Variants in AFG2A observed in about 807,000 individuals in gnomAD.
AFG2A encodes ATPase family gene 2 protein homolog A.
At chr4:122,949,807 G>A in the AFG2A span, among the ~76,000 whole-genome samples, 1 of 152,330 alleles carries the variant, frequency 6.6e-6, no homozygotes, top group South Asian at 2.1e-4. Flanking sequence ...TCATCCCCTT[G>A]CACAAGGGAG....
the AFG2A span, chr4:122,979,327 C>T: frequency 8.1e-6 from 13 of 1,614,026 alleles, no homozygotes; most frequent in Non-Finnish European, 1.1e-5. Context: ...GGATTTCTTG[C>T]AGGCAATGAA....
the AFG2A span, among the ~76,000 whole-genome samples, chr4:123,006,346 G>A: frequency 0.012 from 1,840 of 151,734 alleles, 41 homozygotes; most frequent in African/African-American, 0.041. Context: ...TTGGTTTTAA[G>A]CAATTTGGTT....
chr4:123,149,222 A>G, the AFG2A span, among the ~76,000 whole-genome samples: 1 of 152,236 alleles, frequency 6.6e-6, no homozygotes, highest in Non-Finnish European at 1.5e-5. Context: ...AGATAAAACT[A>G]GATAAGATGA....
chr4:123,269,219 G>A, the AFG2A span, among the ~76,000 whole-genome samples: 4 of 152,176 alleles, frequency 2.6e-5, no homozygotes, highest in Admixed American at 2.0e-4. Flanking sequence ...TATGTGGGAA[G>A]CCTATTATAT....
chr4:123,174,967 G>A, the AFG2A span, among the ~76,000 whole-genome samples: 1 of 152,104 alleles, frequency 6.6e-6, no homozygotes, highest in South Asian at 2.1e-4. Flanking sequence ...AGGTAGCTGG[G>A]ACAACAGCTG....
the AFG2A span, among the ~76,000 whole-genome samples, chr4:123,027,822 A>G: frequency 1.3e-5 from 2 of 152,232 alleles, no homozygotes; most frequent in Non-Finnish European, 2.9e-5. Context: ...GGTATAAGAA[A>G]TTAGATATAT....
At chr4:123,289,091 T>G in the AFG2A span, among the ~76,000 whole-genome samples, 1 of 152,198 alleles carries the variant, frequency 6.6e-6, no homozygotes, top group East Asian at 1.9e-4. Context: ...TGGTGAAGTC[T>G]GGGCTTTTAG....
chr4:122,940,079 C>A, the AFG2A span, among the ~76,000 whole-genome samples: 5 of 152,110 alleles, frequency 3.3e-5, no homozygotes, highest in Admixed American at 2.6e-4. Flanking sequence ...GTGAATAGTG[C>A]CGCAATAAAC....
At chr4:123,260,562 A>G in the AFG2A span, among the ~76,000 whole-genome samples, 1 of 152,214 alleles carries the variant, frequency 6.6e-6, no homozygotes, top group African/African-American at 2.4e-5. Context: ...TCTCCCACAC[A>G]GTGAAAACAG....
At chr4:123,280,223 T>C in the AFG2A span, among the ~76,000 whole-genome samples, 5 of 152,200 alleles carry the variant, frequency 3.3e-5, no homozygotes, top group African/African-American at 7.2e-5. Flanking sequence ...ACTTCATTAC[T>C]ATGAAGTAAT....
the AFG2A span, among the ~76,000 whole-genome samples, chr4:123,308,162 A>G: frequency 4.6e-5 from 7 of 152,218 alleles, no homozygotes; most frequent in Non-Finnish European, 8.8e-5. Flanking sequence ...AAAATAACAA[A>G]AGCATAGCTG....
chr4:123,003,389 T>C, the AFG2A span, among the ~76,000 whole-genome samples: 3 of 152,214 alleles, frequency 2.0e-5, no homozygotes, highest in Non-Finnish European at 4.4e-5. Context: ...CTCTGCTTTT[T>C]AGAGTTTCCA....
chr4:123,026,379 G>A, the AFG2A span, among the ~76,000 whole-genome samples: 1 of 152,004 alleles, frequency 6.6e-6, no homozygotes, highest in East Asian at 1.9e-4. Context: ...TCCTTCAGCT[G>A]TACACATTTT....
chr4:123,184,389 T>C, the AFG2A span, among the ~76,000 whole-genome samples: 1 of 152,142 alleles, frequency 6.6e-6, no homozygotes, highest in African/African-American at 2.4e-5. Flanking sequence ...GTGGTTCATG[T>C]TCCACTCCTC....
the AFG2A span, among the ~76,000 whole-genome samples, chr4:123,265,086 G>C: frequency 6.6e-6 from 1 of 152,050 alleles, no homozygotes; most frequent in Non-Finnish European, 1.5e-5. Flanking sequence ...ACAGAACTTG[G>C]ATTTTAATAA....
At chr4:122,982,171 A>G in the AFG2A span, among the ~76,000 whole-genome samples, 4 of 152,106 alleles carry the variant, frequency 2.6e-5, no homozygotes, top group East Asian at 3.8e-4. Flanking sequence ...GTTGAGATAC[A>G]TTCTGTCTAA....
chr4:123,288,063 G>A, the AFG2A span, among the ~76,000 whole-genome samples: 1 of 152,234 alleles, frequency 6.6e-6, no homozygotes, highest in Non-Finnish European at 1.5e-5. Flanking sequence ...GTAAGTGATT[G>A]GTGTCGCATG....
At chr4:123,260,708 A>T in the AFG2A span, among the ~76,000 whole-genome samples, 63 of 152,238 alleles carry the variant, frequency 4.1e-4, no homozygotes, top group Non-Finnish European at 3.1e-4. Flanking sequence ...GTCAAACAAC[A>T]CATGTGAGAT....
the AFG2A span, among the ~76,000 whole-genome samples, chr4:122,974,265 T>TA: frequency 1.5e-4 from 1 of 6,852 alleles, no homozygotes; most frequent in African/African-American, 1.8e-4. Context: ...TTGCATGATA[T>TA]AAAAAAAAGT....
Sources: allele counts gnomAD v4.1 joint callset (sites outside exome capture counted in the v4.1 genomes callset), GRCh38; gene constraint gnomAD v4.1.1; transcripts MANE v1.5; gene names NCBI Gene and HGNC (gene_info 2026-07-23, HGNC 2026-07-21).